The following RPS13 variants were observed in gnomAD, a reference collection of about 807,000 sequenced individuals.
RPS13 encodes ribosomal protein S13.
RPS13 carries 1 observed loss-of-function variant against 24.6 expected under a neutral mutation model. The ratio of observed to expected loss-of-function variants is 0.04; its 90% CI spans 0.01 to 0.19. The LOEUF (loss-of-function observed/expected upper bound fraction) is 0.19. Among genes scored for constraint, RPS13 ranks in the 10% least tolerant of loss-of-function variants. The pLI, the probability that RPS13 is intolerant of heterozygous loss-of-function variation, is 1.00. For missense variants in RPS13, 88 were observed against 187.4 expected, an observed-to-expected ratio of 0.47 and a Z score of 3.10; for synonymous variants, 69 against 65.3, an observed-to-expected ratio of 1.06 and a Z score of -0.27.
In RPS13 at chr11:17,075,435, G is replaced by A. The variant is rs755479268; in HGVS notation, c.321+19C>T. The A allele has an allele frequency of 6.5e-7, 1 of 1,534,790 alleles. No individual in the cohort carries two copies. The highest frequency in any genetic ancestry group is 1.3e-5 in the South Asian group (1 of 77,608). On this transcript the variant is annotated intron_variant, in intron 4 of 5. Coordinates refer to ENST00000525634, the MANE Select transcript of RPS13 (RefSeq NM_001017.3). Reference sequence around the variant, plus strand: ...TACAAGCAGTCCTACTTAGCACCAGGTTTTATTTATTAGCTTACCTTTCTG... The same window carrying A: ...TACAAGCAGTCCTACTTAGCACCAGATTTTATTTATTAGCTTACCTTTCTG...
In RPS13 at chr11:17,074,736, T is replaced by C. The variant is rs747119330; in HGVS notation, c.423-270A>G. ...ACTGCGAATGTCTGGCAACCAATCA[T>C]CATAGTGAGCAATTCATGTGAAAAT... is the stretch of plus-strand genomic sequence containing the variant. On this transcript the variant is annotated intron_variant, in intron 5 of 5. Transcript: ENST00000525634. The C allele has an allele frequency of 2.1e-5, 14 of 678,396 alleles. No homozygotes were observed. In the South Asian group the frequency reaches 2.1e-4, roughly 10 times the overall value. The allele number at this position is 678,396 out of a possible 1,614,324, so 42.0% of individuals were successfully genotyped here.
At chr11:17,075,308 C>G (rs940499571) in intron 4 of RPS13, 111 bp from the exon 5 acceptor site, 5 of 1,007,658 alleles carry the variant, frequency 5.0e-6, no homozygotes, top group Non-Finnish European at 2.9e-6. Flanking sequence ...ATGAAAATCT[C>G]TTTGGATAGA....
intron 2 of RPS13, 40 bp downstream of exon 2, chr11:17,077,389 C>T (rs1285164766): frequency 6.3e-7 from 1 of 1,598,038 alleles, no homozygotes; most frequent in Non-Finnish European, 8.6e-7. Flanking sequence ...AAATGCCAAC[C>T]CCCTCCCCGG....
chr11:17,077,330 G>A (rs761493558), intron 2 of RPS13, 84 bp from the exon 3 acceptor site: 603 of 1,573,618 alleles, frequency 3.8e-4, no homozygotes, highest in Non-Finnish European at 5.1e-4. Flanking sequence ...GCAAAACCGC[G>A]CTCCTCATAC....
chr11:17,075,722 A>AC, intron 3 of RPS13, 99 bp from the exon 4 acceptor site: 9 of 888,258 alleles, frequency 1.0e-5, no homozygotes, highest in South Asian at 2.9e-5. Flanking sequence ...TCCTATCTGT[A>AC]AGATGGGGGT....
At position 17,077,649 on chromosome 11, in the gene RPS13, G is replaced by A. The variant is rs374680605; in HGVS notation, c.-8C>T. On this transcript the variant is annotated 5_prime_UTR_variant, in exon 1 of 6. Coordinates refer to ENST00000525634, the MANE Select transcript of RPS13 (RefSeq NM_001017.3). ...AGCATGCATGCGACCCATGATGGCG[G>A]CGATCAGGCAACGAAAGGAGAGCGA... The A allele has an allele frequency of 2.5e-5, 40 of 1,612,974 alleles. No homozygotes were observed. The African/African-American group carries it at 5.2e-4, about 21-fold the overall frequency.
Position 17,075,214 on chromosome 11 carries a change from G to A in RPS13, c.322-17C>T, listed in dbSNP as rs760251843. The stretch of plus-strand genomic sequence containing the variant: ...ATCCTTATCCTAAAAATAAAATTTG[G>A]TGCAATTCAAGAAAACCACCCAAAA... On this transcript the variant is annotated splice_polypyrimidine_tract_variant and intron_variant, in intron 4 of 5. Coordinates refer to ENST00000525634, the MANE Select transcript of RPS13 (RefSeq NM_001017.3). 3 of 1,569,806 alleles carry A rather than the reference G, an allele frequency of 1.9e-6. No homozygotes were observed. Among genetic ancestry groups the A allele is most frequent in the African/African-American group, 1.4e-5 (1 of 72,824 alleles).
intron 5 of RPS13, chr11:17,074,678 T>C (rs940124901): frequency 1.4e-6 from 1 of 706,224 alleles, no homozygotes; most frequent in Non-Finnish European, 2.6e-6. Flanking sequence ...AAGGAAGAAC[T>C]GGCCAACATA....
In RPS13 at chr11:17,076,362, C is replaced by T. The variant is rs1481916716; in HGVS notation, c.152-739G>A. The stretch of plus-strand genomic sequence containing the variant: ...CCGAGATCATACCACTGCACTCCAG[C>T]CTGGGTGACAAAGTGAGAATCGGTC... On this transcript the variant is annotated intron_variant, in intron 3 of 5. Transcript: ENST00000525634. The T allele has an allele frequency of 5.9e-5, 17 of 289,902 alleles. 1 individual carries two copies. Among genetic ancestry groups the T allele is most frequent in the South Asian group, 3.9e-4 (15 of 38,246 alleles). 18.0% of individuals were successfully genotyped at this position (289,902 alleles called of 1,614,324 possible).
In RPS13 at chr11:17,074,422, C is replaced by T. The variant is rs755833827; in HGVS notation, c.*11G>A. On this transcript the variant is annotated 3_prime_UTR_variant, in exon 6 of 6. Transcript: ENST00000525634. The stretch of plus-strand genomic sequence containing the variant: ...AAACAATCATTTTATTGCTTGAGTA[C>T]ACAGACAAATTTATGCGACCAGGGC... The T allele has an allele frequency of 3.7e-6, 6 of 1,603,412 alleles. No homozygotes were observed. The Admixed American group carries it at 6.7e-5, about 18-fold the overall frequency.
Position 17,074,481 on chromosome 11 carries a change from AG to A in RPS13, c.423-16del. 3.1e-6 allele frequency: 5 copies of A among 1,606,422 alleles called. No homozygotes were observed. In the South Asian group the frequency reaches 5.5e-5, roughly 18 times the overall value. ...TAGATGATTCACTGAAAAAGAAAAA[AG>A]GGGAAAGAAAGAAAATCAGGATTAA... is the stretch of plus-strand genomic sequence containing the variant. On this transcript the variant is annotated splice_polypyrimidine_tract_variant and intron_variant, in intron 5 of 5. Transcript: ENST00000525634.
chr11:17,075,844 T>C (rs1186719297), intron 3 of RPS13: 4 of 651,190 alleles, frequency 6.1e-6, no homozygotes, highest in African/African-American at 3.5e-5. Flanking sequence ...AAACTGCGAA[T>C]GTTGGAAAAC....
Position 17,075,875 on chromosome 11 carries a change from T to C in RPS13, c.152-252A>G, listed in dbSNP as rs150682837. ...AAAACCATCATCACAGTGAGCTTGC[T>C]GGAATACAGATGACCAAAGGGATTA... On this transcript the variant is annotated intron_variant, in intron 3 of 5. Coordinates refer to ENST00000525634, the MANE Select transcript of RPS13 (RefSeq NM_001017.3). 8.2e-4 allele frequency: 502 copies of C among 610,150 alleles called. 1 individual carries two copies. The African/African-American group carries it at 8.3e-3, about 10-fold the overall frequency. The allele number at this position is 610,150 out of a possible 1,614,324, so 37.8% of individuals were successfully genotyped here.
chr11:17,075,694 A>G, intron 3 of RPS13, 71 bp from the exon 4 acceptor site: 1 of 1,241,858 alleles, frequency 8.1e-7, no homozygotes, highest in Non-Finnish European at 1.1e-6. Context: ...GTCAAGGCTC[A>G]GAAATCAGGG....
In RPS13 at chr11:17,075,162, C is replaced by T; in HGVS notation, c.357G>A (p.Glu119=). Residue 119 remains glutamate (E), a synonymous_variant, in exon 5 of 6, where the codon GAG becomes GAA. Coordinates refer to ENST00000525634, the MANE Select transcript of RPS13 (RefSeq NM_001017.3). ...KDAKFRLILI[E]SRIHRLARYY... ...ATCGAGCCAAACGGTGAATCCGGCT[C>T]TCTATTAGAATCAGACGGAATTTAG... The T allele has an allele frequency of 6.2e-7, 1 of 1,610,138 alleles. No homozygotes were observed. Among genetic ancestry groups the T allele is most frequent in the Non-Finnish European group, 8.5e-7 (1 of 1,179,074 alleles).
intron 2 of RPS13, 57 bp from the exon 3 acceptor site, chr11:17,077,303 C>A (rs1284349372): frequency 4.4e-6 from 7 of 1,576,044 alleles, no homozygotes; most frequent in South Asian, 2.2e-5. Flanking sequence ...CGCCGCAGAA[C>A]AGCGGTCTCT....
At chr11:17,075,320 T>G (rs1301056820) in intron 4 of RPS13, 123 bp from the exon 5 acceptor site, 1 of 990,084 alleles carries the variant, frequency 1.0e-6, no homozygotes, top group East Asian at 2.4e-5. Flanking sequence ...TTGGATAGAA[T>G]TTGAACTTCA....
chr11:17,076,580 GTC>G (rs1199844799), intron 3 of RPS13: 10 of 419,192 alleles, frequency 2.4e-5, no homozygotes, highest in East Asian at 1.5e-4. Flanking sequence ...AAGAGGTGGG[GTC>G]TCTCTGTCAC....
At chr11:17,077,082 A>C (rs1590881144) in intron 3 of RPS13, 86 bp downstream of exon 3, 20 of 1,032,246 alleles carry the variant, frequency 1.9e-5, no homozygotes, top group Non-Finnish European at 3.0e-5. Flanking sequence ...AGTTTTGGCT[A>C]TTTTTAAAAT....
Sources: gnomAD v4.1 joint callset for allele counts on GRCh38, gnomAD v4.1.1 for gene constraint, MANE v1.5 for transcripts, NCBI Gene and HGNC (gene_info 2026-07-23, HGNC 2026-07-21) for gene names.